The following MYO5B variants were observed in gnomAD, a reference collection of about 807,000 sequenced individuals.
MYO5B encodes the protein unconventional myosin-Vb.
MYO5B carries 143 observed loss-of-function variants against 229.3 expected under a neutral mutation model. The observed-to-expected ratio is 0.62, with a 90% CI of 0.54 to 0.72. The LOEUF (loss-of-function observed/expected upper bound fraction) is 0.72. MYO5B is among the 30% of genes least tolerant of loss of function. The pLI is 0.00. For synonymous variants in MYO5B, 918 were observed against 885.2 expected (o/e 1.04, Z -0.66); for missense variants, 2,321 against 2,331.0 (o/e 1.00, Z 0.09).
rs2030789436 is a variant in MYO5B at position 50,065,234 on chromosome 18, C to T, written c.28-9856G>A. 3.9e-5 allele frequency among the ~76,000 whole-genome samples: 6 copies of T among 152,174 alleles called. No homozygotes were observed. In the South Asian group the frequency reaches 1.0e-3, roughly 26 times the overall value. ...CATGGACTCCAGTTCACCTAATCCT[C>T]TACAAGTATTTACTGAAGACCTCTA... On this transcript the variant is annotated intron_variant, in intron 1 of 39. Transcript: ENST00000285039.
At chr18:49,837,894 C>G (rs1033983398) in intron 36 of MYO5B, 92 bp from the exon 37 acceptor site, 122 of 1,484,922 alleles carry the variant, frequency 8.2e-5, no homozygotes, top group Non-Finnish European at 9.4e-5. Flanking sequence ...CGGGCTTTAG[C>G]AATGATACCA....
intron 1 of MYO5B, among the ~76,000 whole-genome samples, chr18:50,160,138 A>G (rs1472704200): frequency 3.3e-5 from 5 of 152,256 alleles, no homozygotes; most frequent in Admixed American, 3.3e-4. Flanking sequence ...CCAAGCAAGA[A>G]TATCCACCGT....
chr18:49,978,332 G>A (rs895840341), intron 9 of MYO5B, among the ~76,000 whole-genome samples: 1 of 152,156 alleles, frequency 6.6e-6, no homozygotes, highest in Non-Finnish European at 1.5e-5. Flanking sequence ...TCACCTGAAC[G>A]TTCTCCGGAG....
intron 1 of MYO5B, among the ~76,000 whole-genome samples, chr18:50,061,735 T>C (rs2030691767): frequency 6.6e-6 from 1 of 152,184 alleles, no homozygotes; most frequent in African/African-American, 2.4e-5. Flanking sequence ...AAGTGATGAA[T>C]GCACTGTCAG....
At chr18:50,018,963 T>G (rs1346883519) in intron 4 of MYO5B, among the ~76,000 whole-genome samples, 1 of 152,182 alleles carries the variant, frequency 6.6e-6, no homozygotes, top group African/African-American at 2.4e-5. Context: ...GGGATGAAGA[T>G]CTATTCCCCA....
intron 1 of MYO5B, among the ~76,000 whole-genome samples, chr18:50,192,326 G>T (rs1004166133): frequency 2.6e-5 from 4 of 152,216 alleles, no homozygotes. Context: ...TCTTTGAATT[G>T]TAACGGGATG....
At chr18:49,980,851 T>C (rs1430030243) in intron 8 of MYO5B, among the ~76,000 whole-genome samples, 1 of 152,248 alleles carries the variant, frequency 6.6e-6, no homozygotes, top group Non-Finnish European at 1.5e-5. Flanking sequence ...GCAGCAATCC[T>C]GCAGGCTCAT....
At chr18:49,898,368 A>G (rs925077913) in intron 21 of MYO5B, among the ~76,000 whole-genome samples, 3 of 152,246 alleles carry the variant, frequency 2.0e-5, no homozygotes, top group Non-Finnish European at 4.4e-5. Flanking sequence ...AAATATATTT[A>G]AGGATAACCT....
rs1040119806 is a variant in MYO5B, at chr18:50,027,511, C to T, written c.455+9339G>A. On this transcript the variant is annotated intron_variant, in intron 4 of 39. Transcript: ENST00000285039. ...GAGCTTGACCCGGGTGAAGCTAGGACGCTAACTGGGGTCTGTGCTAGTCCA... is the reference window on the plus strand; with the variant it reads ...GAGCTTGACCCGGGTGAAGCTAGGATGCTAACTGGGGTCTGTGCTAGTCCA... Among the ~76,000 whole-genome samples, 7 of 152,172 alleles carry T rather than the reference C, an allele frequency of 4.6e-5. No homozygotes were observed. In the East Asian group the frequency reaches 7.7e-4, roughly 17 times the overall value.
intron 11 of MYO5B, 87 bp from the exon 12 acceptor site, chr18:49,962,493 T>C (rs1236081571): frequency 6.4e-7 from 1 of 1,569,972 alleles, no homozygotes; most frequent in African/African-American, 1.4e-5. Context: ...TTCTGGGTTC[T>C]GGAGGACAGC....
chr18:49,832,381 T>C (rs1893441), intron 39 of MYO5B, among the ~76,000 whole-genome samples: 30,579 of 152,212 alleles, frequency 0.2, 4,263 homozygotes, highest in East Asian at 0.57. Flanking sequence ...CATTAACCAT[T>C]GACCTCTGAA....
intron 16 of MYO5B, among the ~76,000 whole-genome samples, chr18:49,932,934 T>C (rs745369766): frequency 1.3e-5 from 2 of 152,106 alleles, no homozygotes; most frequent in Admixed American, 1.3e-4. Flanking sequence ...TGGAGGACCA[T>C]AGCAAGGACA....
chr18:49,961,230 G>T (rs1479569852), intron 12 of MYO5B, among the ~76,000 whole-genome samples: 1 of 152,190 alleles, frequency 6.6e-6, no homozygotes, highest in African/African-American at 2.4e-5. Flanking sequence ...CTACCCCTCA[G>T]GTTAGGCAAG....
intron 4 of MYO5B, among the ~76,000 whole-genome samples, chr18:50,029,265 C>G (rs1815937): frequency 6.6e-6 from 1 of 151,926 alleles, no homozygotes; most frequent in Admixed American, 6.6e-5. Flanking sequence ...GGTCACAGAA[C>G]GAGAGACCCA....
chr18:49,860,510 G>A (rs1382438499), intron 29 of MYO5B, among the ~76,000 whole-genome samples: 2 of 152,150 alleles, frequency 1.3e-5, no homozygotes, highest in African/African-American at 4.8e-5. Context: ...CATTCCTGCA[G>A]CTCCTCTCAG....
intron 30 of MYO5B, among the ~76,000 whole-genome samples, chr18:49,854,666 A>G (rs1296319207): frequency 6.6e-6 from 1 of 152,194 alleles, no homozygotes; most frequent in African/African-American, 2.4e-5. Flanking sequence ...GCACATAACA[A>G]TTATGACCAA....
chr18:50,145,140 A>T (rs1002870733), intron 1 of MYO5B, among the ~76,000 whole-genome samples: 1 of 152,106 alleles, frequency 6.6e-6, no homozygotes, highest in Admixed American at 6.6e-5. Context: ...AAAATGGAAA[A>T]ATTAGAAGGA....
chr18:50,162,501 G>C (rs16951612), intron 1 of MYO5B, among the ~76,000 whole-genome samples: 11,209 of 152,230 alleles, frequency 0.074, 583 homozygotes, highest in African/African-American at 0.14. Flanking sequence ...TTCAAAGAGC[G>C]TATTTTCCAT....
In MYO5B at chr18:49,974,373, G is replaced by C; in HGVS notation, c.1299C>G (p.Phe433Leu). Residue 433 changes from phenylalanine (F) to leucine (L), a missense_variant, in exon 10 of 40, where the codon TTC (phenylalanine) becomes TTG (leucine). By Grantham distance (22) the Phe-to-Leu change is conservative. This residue lies in a region of MYO5B where 2,113 missense variants were observed against 2,044.7 expected (regional missense o/e 1.03). Transcript: ENST00000285039. ...ALHTSLKQHS[F>L]IGVLDIYGFE... ...ACCCATAGATGTCCAGGACCCCGAT[G>C]AAGGAGTGCTGCTTGAGGGAGGTGT... 1 of 1,614,236 alleles carries C rather than the reference G, an allele frequency of 6.2e-7. No individual in the cohort carries two copies. Among genetic ancestry groups the C allele is most frequent in the Admixed American group, 1.7e-5 (1 of 60,028 alleles).
Sources: allele counts gnomAD v4.1 joint callset (sites outside exome capture counted in the v4.1 genomes callset), GRCh38; gene constraint gnomAD v4.1.1; regional missense constraint gnomAD v4.1.1; transcripts MANE v1.5; gene names NCBI Gene and HGNC (gene_info 2026-07-23, HGNC 2026-07-21).